The following DAGLA variants were observed in gnomAD, a reference collection of about 807,000 sequenced individuals.
The protein encoded by DAGLA is diacylglycerol lipase alpha, also known as diacylglycerol lipase-alpha.
Under a neutral mutation model 102.6 loss-of-function variants are expected in DAGLA, and 22 were observed. The observed-to-expected ratio is 0.21, with a 90% CI of 0.15 to 0.31. DAGLA has a LOEUF of 0.31. Among genes scored for constraint, DAGLA ranks in the 10% least tolerant of loss-of-function variants. The probability of loss-of-function intolerance (pLI) is 1.00; values close to 1 mark genes in which losing one functional copy is unlikely to be tolerated. For synonymous variants in DAGLA, 578 were observed against 628.9 expected, an observed-to-expected ratio of 0.92 and a Z score of 1.21; for missense variants, 927 against 1,446.6, an observed-to-expected ratio of 0.64 and a Z score of 5.83.
Position 61,682,854 on chromosome 11 carries a change from G to C in DAGLA, c.-45+2350G>C, listed in dbSNP as rs532373578. 2.3e-3 allele frequency among the ~76,000 whole-genome samples: 345 copies of C among 149,976 alleles called. 7 individuals carry two copies. The South Asian group carries it at 0.031, about 13-fold the overall frequency. On this transcript the variant is annotated intron_variant, in intron 1 of 19. Coordinates refer to ENST00000257215, the MANE Select transcript of DAGLA (RefSeq NM_006133.3). ...TTGAGGCTGGATGGCAGGGGGACGG[G>C]GGGGGGAGGTGTGGAGGATGCCCTC...
In DAGLA at chr11:61,739,665, G is replaced by A; in HGVS notation, c.1853+4G>A. On this transcript the variant is annotated splice_donor_region_variant and intron_variant, in intron 17 of 19. Coordinates refer to ENST00000257215, the MANE Select transcript of DAGLA (RefSeq NM_006133.3). ...ACCACCCTGCAGAGCAGTGCTGGTA[G>A]GTTCTGCCAGGGTCTGCTGCTGCAG... 1.2e-6 allele frequency: 2 copies of A among 1,612,834 alleles called. No homozygotes were observed. Among genetic ancestry groups the A allele is most frequent in the Non-Finnish European group, 8.5e-7 (1 of 1,179,718 alleles).
At position 61,698,504 on chromosome 11, in the gene DAGLA, A is replaced by T. The variant is rs1185125333; in HGVS notation, c.-45+18000A>T. ...AGGCAGCCTGCAAGCCTCCAGAGCCACTTCTGATAGTGGGTGAAGCTTGGT... is the reference window on the plus strand; with the variant it reads ...AGGCAGCCTGCAAGCCTCCAGAGCCTCTTCTGATAGTGGGTGAAGCTTGGT... On this transcript the variant is annotated intron_variant, in intron 1 of 19. Coordinates refer to ENST00000257215, the MANE Select transcript of DAGLA (RefSeq NM_006133.3). 2.0e-5 allele frequency among the ~76,000 whole-genome samples: 3 copies of T among 152,198 alleles called. No homozygotes were observed. The East Asian group carries it at 5.8e-4, about 29-fold the overall frequency.
In DAGLA at chr11:61,744,574, T is replaced by A; in HGVS notation, c.*85T>A. 8.2e-7 allele frequency: 1 copy of A among 1,219,006 alleles called. No homozygotes were observed. The highest frequency in any genetic ancestry group is 1.1e-6 in the Non-Finnish European group (1 of 877,880). 75.5% of individuals were successfully genotyped at this position (1,219,006 alleles called of 1,614,324 possible). On this transcript the variant is annotated 3_prime_UTR_variant, in exon 20 of 20. Coordinates refer to ENST00000257215, the MANE Select transcript of DAGLA (RefSeq NM_006133.3). ...GTGCCTGCCCCCTGCCGGGCAGCTT[T>A]AAGGACAGACCCCCAGGGGCAGTTT...
chr11:61,705,783 A>G (rs2065144456), intron 1 of DAGLA, among the ~76,000 whole-genome samples: 2 of 152,184 alleles, frequency 1.3e-5, no homozygotes, highest in Admixed American at 1.3e-4. Context: ...GACTTTAACC[A>G]GATTTCACCT....
rs567729549 is a variant in DAGLA, at chr11:61,734,311, C to T, written c.975-538C>T. 1.5e-4 allele frequency among the ~76,000 whole-genome samples: 23 copies of T among 151,860 alleles called. No individual in the cohort carries two copies. The highest frequency in any genetic ancestry group is 3.1e-4 in the Non-Finnish European group (21 of 67,936). On this transcript the variant is annotated intron_variant, in intron 9 of 19. Coordinates refer to ENST00000257215, the MANE Select transcript of DAGLA (RefSeq NM_006133.3). The surrounding 1 kb of genome is among the most constrained non-coding windows in gnomAD (Gnocchi z 4.2). ...AGTTGCAAGCCAGAGGCCAAGCCACCGAGGGGCCTTGGGAAGACCTCAGGA... is the reference window on the plus strand; with the variant it reads ...AGTTGCAAGCCAGAGGCCAAGCCACTGAGGGGCCTTGGGAAGACCTCAGGA...
At chr11:61,731,711 C>T (rs974533231) in intron 9 of DAGLA, among the ~76,000 whole-genome samples, 15 of 152,134 alleles carry the variant, frequency 9.9e-5, no homozygotes, top group Non-Finnish European at 1.5e-4. Context: ...TCTTTATCTG[C>T]GAAGTGGAGA....
chr11:61,736,789 C>G (rs2065426525), intron 13 of DAGLA, among the ~76,000 whole-genome samples: 1 of 152,198 alleles, frequency 6.6e-6, no homozygotes, highest in African/African-American at 2.4e-5. Context: ...CAAAGCAAAG[C>G]AGGCTCTGGC....
chr11:61,701,633 C>G (rs748764434), intron 1 of DAGLA, among the ~76,000 whole-genome samples: 1 of 152,184 alleles, frequency 6.6e-6, no homozygotes, highest in Non-Finnish European at 1.5e-5. Context: ...CTTGTTTGTT[C>G]TCACATTCGA....
chr11:61,682,265 C>T (rs1165428362), intron 1 of DAGLA, among the ~76,000 whole-genome samples: 1 of 152,012 alleles, frequency 6.6e-6, no homozygotes, highest in African/African-American at 2.4e-5. Context: ...TTGCAAACAG[C>T]GAAAGACTGT....
intron 7 of DAGLA, 133 bp from the exon 8 acceptor site, chr11:61,728,798 C>T (rs1435517583): frequency 2.8e-6 from 2 of 709,418 alleles, no homozygotes; most frequent in African/African-American, 1.8e-5. Context: ...CTTGGAAGAA[C>T]TAGAAGCTGC....
Position 61,739,522 on chromosome 11 carries a change from G to A in DAGLA, c.1714G>A (p.Val572Ile), listed in dbSNP as rs762547781. ...CIPKSELPEE[V>I]EVTTLASTRL... ...CCCCAAGTCGGAGCTGCCTGAGGAGGTAGAGGTGACCACCCTGGCCAGCAC... is the reference window on the plus strand; with the variant it reads ...CCCCAAGTCGGAGCTGCCTGAGGAGATAGAGGTGACCACCCTGGCCAGCAC... Residue 572 changes from valine (V) to isoleucine (I), a missense_variant, in exon 17 of 20, where the codon GTA becomes ATA. Physicochemically the swap from Val to Ile is conservative, Grantham distance 29. Transcript: ENST00000257215. 23 of 1,613,980 alleles carry A rather than the reference G, an allele frequency of 1.4e-5. No homozygotes were observed. The highest frequency in any genetic ancestry group is 1.9e-5 in the Non-Finnish European group (23 of 1,180,048).
Position 61,734,679 on chromosome 11 carries a change from A to C in DAGLA, c.975-170A>C, listed in dbSNP as rs1414092594. On this transcript the variant is annotated intron_variant, in intron 9 of 19. Coordinates refer to ENST00000257215, the MANE Select transcript of DAGLA (RefSeq NM_006133.3). The surrounding 1 kb of genome is among the most constrained non-coding windows in gnomAD (Gnocchi z 4.2). ...GAGCTCAGTTAAGAGGAAGGCTAAG[A>C]GTGGCCAGTGGATTTGGTGACGTGG... 6.6e-6 allele frequency among the ~76,000 whole-genome samples: 1 copy of C among 152,172 alleles called. No homozygotes were observed. Among genetic ancestry groups the C allele is most frequent in the Non-Finnish European group, 1.5e-5 (1 of 68,012 alleles).
Position 61,736,360 on chromosome 11 carries a change from T to C in DAGLA, c.1371+10T>C. 6.2e-7 allele frequency: 1 copy of C among 1,612,564 alleles called. No homozygotes were observed. The highest frequency in any genetic ancestry group is 1.3e-5 in the African/African-American group (1 of 74,982). ...CTTTGGGCGAGACCTGGTGAGGAAT[T>C]TTCCATGGCACCAAGCCTTTTCACA... On this transcript the variant is annotated intron_variant, in intron 13 of 19. Transcript: ENST00000257215.
At chr11:61,704,985 G>A (rs982837614) in intron 1 of DAGLA, among the ~76,000 whole-genome samples, 23 of 152,164 alleles carry the variant, frequency 1.5e-4, no homozygotes, top group Non-Finnish European at 3.2e-4. Flanking sequence ...CTGACATCCT[G>A]ACCTGCCGTG....
chr11:61,717,654 C>G (rs532393660), intron 1 of DAGLA, among the ~76,000 whole-genome samples: 27 of 152,346 alleles, frequency 1.8e-4, no homozygotes, highest in African/African-American at 6.5e-4. Context: ...AACCAGCCAG[C>G]CTGGCACTTG....
chr11:61,683,431 G>A (rs1193418129), intron 1 of DAGLA, among the ~76,000 whole-genome samples: 1 of 152,188 alleles, frequency 6.6e-6, no homozygotes, highest in Non-Finnish European at 1.5e-5. Flanking sequence ...CCTCCCCCGA[G>A]GAGTTGCTGG....
At chr11:61,741,960 TTTAC>T (rs1035877063) in intron 19 of DAGLA, among the ~76,000 whole-genome samples, 10 of 152,174 alleles carry the variant, frequency 6.6e-5, no homozygotes, top group African/African-American at 2.4e-4. Flanking sequence ...TGGACACCCA[TTTAC>T]TTACATATTT....
intron 1 of DAGLA, among the ~76,000 whole-genome samples, chr11:61,709,084 A>G (rs923606954): frequency 1.3e-5 from 2 of 152,160 alleles, no homozygotes; most frequent in African/African-American, 2.4e-5. Flanking sequence ...TGCTGTGATC[A>G]TTGTGTGAGC....
chr11:61,692,171 G>A (rs1158672700), intron 1 of DAGLA, among the ~76,000 whole-genome samples: 1 of 152,174 alleles, frequency 6.6e-6, no homozygotes, highest in African/African-American at 2.4e-5. Context: ...GCCTGCACAG[G>A]TGCCCACGTG....
Sources: gnomAD v4.1 joint callset for allele counts (sites outside exome capture counted in the v4.1 genomes callset) on GRCh38, gnomAD v4.1.1 for gene constraint, Gnocchi (gnomAD v3.1) non-coding constraint, MANE v1.5 for transcripts, NCBI Gene and HGNC (gene_info 2026-07-23, HGNC 2026-07-21) for gene names.